Variants in ELF1 observed in about 807,000 individuals in gnomAD.
ELF1 encodes E74 like ETS transcription factor 1.
In ELF1, 24 loss-of-function variants were observed where a neutral mutation model predicts 59.9. The observed-to-expected ratio is 0.40, with a 90% CI of 0.29 to 0.56. ELF1 has a LOEUF of 0.56. ELF1 is among the 20% of genes least tolerant of loss of function. ELF1 has a pLI of 0.44. For synonymous variants in ELF1, 248 were observed against 266.2 expected, an observed-to-expected ratio of 0.93 and a Z score of 0.67; for missense variants, 627 against 742.2, an observed-to-expected ratio of 0.84 and a Z score of 1.80.
At chr13:40,968,545 G>T (rs74045676) in intron 2 of ELF1, among the ~76,000 whole-genome samples, 1 of 152,048 alleles carries the variant, frequency 6.6e-6, no homozygotes, top group East Asian at 1.9e-4. Context: ...AGGAATTGAT[G>T]TATTACACAA....
At position 40,949,896 on chromosome 13, in the gene ELF1, T is replaced by A. The variant is rs2138156403; in HGVS notation, c.439A>T (p.Ile147Phe). 6.2e-7 allele frequency: 1 copy of A among 1,614,142 alleles called. No individual in the cohort carries two copies. Among genetic ancestry groups the A allele is most frequent in the Non-Finnish European group, 8.5e-7 (1 of 1,180,010 alleles). Reference sequence around the variant, plus strand: ...TGCTGTGTTTCCATCACTTCAGGAATCCCATCTAATGTGACGGACACATGG... The same window carrying A: ...TGCTGTGTTTCCATCACTTCAGGAAACCCATCTAATGTGACGGACACATGG... ...VTHVSVTLDG[I>F]PEVMETQQVQ... Residue 147 changes from isoleucine (I) to phenylalanine (F), a missense_variant, in exon 5 of 9, where the codon ATT (isoleucine) becomes TTT (phenylalanine). By Grantham distance (21) the Ile-to-Phe change is conservative (BLOSUM62 0). Coordinates refer to ENST00000239882, the MANE Select transcript of ELF1 (RefSeq NM_172373.4).
chr13:40,994,518 C>A (rs1490510395), intron 1 of ELF1, among the ~76,000 whole-genome samples: 1 of 152,016 alleles, frequency 6.6e-6, no homozygotes, highest in Non-Finnish European at 1.5e-5. Context: ...TGGGGGGGTG[C>A]CTGTAATCCC....
At chr13:41,034,126 A>T (rs918311181) in intron 1 of ELF1, among the ~76,000 whole-genome samples, 1 of 152,180 alleles carries the variant, frequency 6.6e-6, no homozygotes, top group Non-Finnish European at 1.5e-5. Flanking sequence ...CAAGAAAACA[A>T]GAGATATAAT....
chr13:41,061,318 C>T lies in ELF1; in HGVS notation c.-709G>A, dbSNP rs556760427. 16 of 395,960 alleles carry T rather than the reference C, an allele frequency of 4.0e-5. 1 individual carries two copies. The South Asian group carries it at 4.6e-4, about 11-fold the overall frequency. The allele number at this position is 395,960 out of a possible 1,614,324, so 24.5% of individuals were successfully genotyped here. On this transcript the variant is annotated 5_prime_UTR_variant, in exon 1 of 2. Transcript: ENST00000405737. ...TGGGCCCCAGGGGAGGACACAGAGA[C>T]GGCGGGATGGCGCAGGGACTTGAGG...
Position 40,933,967 on chromosome 13 carries a change from T to G in ELF1, c.1318A>C (p.Thr440Pro), listed in dbSNP as rs375140290. 29 of 1,614,138 alleles carry G rather than the reference T, an allele frequency of 1.8e-5. No individual in the cohort carries two copies. Among genetic ancestry groups the G allele is most frequent in the Non-Finnish European group, 2.5e-5 (29 of 1,180,048 alleles). Residue 440 changes from threonine (T) to proline (P), a missense_variant, in exon 9 of 9, where the codon ACA (threonine) becomes CCA (proline). Coordinates refer to ENST00000239882, the MANE Select transcript of ELF1 (RefSeq NM_172373.4). The part of the protein sequence containing the change: ...VVSPRNQQLH[T>P]VTLQTVPLTT... ...AGTGGCACTGTTTGGAGTGTTACTG[T>G]ATGCAACTGCTGATTCCTAGGAGAC...
At chr13:41,045,339 A>T (rs1876798542) in intron 1 of ELF1, among the ~76,000 whole-genome samples, 1 of 151,376 alleles carries the variant, frequency 6.6e-6, no homozygotes, top group Non-Finnish European at 1.5e-5. Context: ...TAGCTTTTGA[A>T]TTTGTTTGCT....
At position 40,982,167 on chromosome 13, in the gene ELF1, G is replaced by A. The variant is rs113531878; in HGVS notation, c.-113C>T. 5.0e-6 allele frequency: 7 copies of A among 1,407,088 alleles called. No individual in the cohort carries two copies. The East Asian group carries it at 1.3e-4, about 27-fold the overall frequency. The allele number at this position is 1,407,088 out of a possible 1,614,324, so 87.2% of individuals were successfully genotyped here. A position where few individuals can be genotyped will look rare whatever the true frequency, so the allele number is the denominator to read the frequency against. On this transcript the variant is annotated 5_prime_UTR_variant, in exon 2 of 9. Coordinates refer to ENST00000239882, the MANE Select transcript of ELF1 (RefSeq NM_172373.4). ...AAAAACCCTCAGCTCTGTCTGTGGA[G>A]TAATTGTATACCCAAGTTTTCTTTA...
rs191295801 is a variant in ELF1, at chr13:40,939,613, C to T, written c.1256+1308G>A. Among the ~76,000 whole-genome samples, 870 of 152,164 alleles carry T rather than the reference C, an allele frequency of 5.7e-3. 7 individuals are homozygous for T. The highest frequency in any genetic ancestry group is 0.014 in the South Asian group (68 of 4,814). On this transcript the variant is annotated intron_variant, in intron 8 of 8. Coordinates refer to ENST00000239882, the MANE Select transcript of ELF1 (RefSeq NM_172373.4). ...AATATAAAACATTAAGGGGAGAATA[C>T]GGACAGTAAGAGTTAAATAAGCACC...
At chr13:40,983,503 C>T (rs1297646516) in intron 1 of ELF1, among the ~76,000 whole-genome samples, 1 of 152,102 alleles carries the variant, frequency 6.6e-6, no homozygotes, top group Admixed American at 6.6e-5. Context: ...CTAGCAAGAA[C>T]TCAAAATAAA....
chr13:40,992,835 G>C, intron 1 of ELF1: 2 of 524,674 alleles, frequency 3.8e-6, no homozygotes, highest in Non-Finnish European at 6.8e-6. Flanking sequence ...AATTTCTGTT[G>C]ATCACCTCTC....
chr13:40,933,505 T>C lies in ELF1; in HGVS notation c.1780A>G (p.Met594Val), dbSNP rs781050561. The change falls in exon 9 of 9, where the codon ATG becomes GTG. Residue 594 changes from methionine to valine, a missense_variant. Physicochemically the swap from Met to Val is conservative, Grantham distance 21. This residue lies in a region of ELF1 where 361 missense variants were observed against 396.1 expected (regional missense o/e 0.91). Transcript: ENST00000239882. The stretch of plus-strand genomic sequence containing the variant: ...AATCCATTGGAACTGGACACTACCA[T>C]CACATAAGGCTGTGGCTGCTGCTCC... ...KTEQQPQPYV[M>V]VVSSSNGFTS... 1.1e-5 allele frequency: 18 copies of C among 1,614,138 alleles called. No individual in the cohort carries two copies. The highest frequency in any genetic ancestry group is 5.3e-5 in the African/African-American group (4 of 74,946).
intron 8 of ELF1, among the ~76,000 whole-genome samples, chr13:40,937,019 T>C (rs1473135189): frequency 6.6e-6 from 1 of 152,202 alleles, no homozygotes; most frequent in Non-Finnish European, 1.5e-5. Flanking sequence ...CACTTATCTA[T>C]ACCATCTACG....
chr13:40,953,424 G>C (rs1486064520), intron 3 of ELF1, among the ~76,000 whole-genome samples: 2 of 152,124 alleles, frequency 1.3e-5, no homozygotes, highest in Non-Finnish European at 2.9e-5. Flanking sequence ...AATCCAATAT[G>C]GTTAGTGTCC....
chr13:41,015,504 A>T (rs1185304316), intron 1 of ELF1, among the ~76,000 whole-genome samples: 2 of 152,204 alleles, frequency 1.3e-5, no homozygotes, highest in Non-Finnish European at 2.9e-5. Context: ...AAAATAGCTA[A>T]TTCCTCTTCA....
At position 40,958,878 on chromosome 13, in the gene ELF1, C is replaced by T; in HGVS notation, c.211G>A (p.Glu71Lys). 2 of 1,613,616 alleles carry T rather than the reference C, an allele frequency of 1.2e-6. No homozygotes were observed. The highest frequency in any genetic ancestry group is 1.7e-4 in the Middle Eastern group (1 of 6,060). Residue 71 changes from glutamate to lysine, a missense_variant, in exon 3 of 9, where the codon GAA becomes AAA. Coordinates refer to ENST00000239882, the MANE Select transcript of ELF1 (RefSeq NM_172373.4). ...ITESSLDVAE[E>K]EIIDDDDDDI... ...TCATCATCATCGTCTATGATTTCTT[C>T]TTCAGCAACATCCAGTGAACTCTCA...
intron 2 of ELF1, among the ~76,000 whole-genome samples, chr13:40,980,825 T>C (rs1200682069): frequency 2.0e-5 from 3 of 152,186 alleles, no homozygotes; most frequent in African/African-American, 7.2e-5. Context: ...TTGTATTGTC[T>C]CTAGATTAAA....
intron 2 of ELF1, among the ~76,000 whole-genome samples, chr13:40,975,241 T>C (rs566425866): frequency 1.3e-5 from 2 of 152,342 alleles, no homozygotes; most frequent in South Asian, 4.1e-4. Context: ...CCTTACTTTA[T>C]GAGGTACACC....
At chr13:40,960,454 G>A (rs1399445801) in intron 2 of ELF1, among the ~76,000 whole-genome samples, 1 of 152,114 alleles carries the variant, frequency 6.6e-6, no homozygotes. Context: ...ACCAATTTGG[G>A]TTTGTATATT....
At chr13:40,951,825 C>T (rs1441024154) in intron 3 of ELF1, 1 of 152,830 alleles carries the variant, frequency 6.5e-6, no homozygotes, top group Non-Finnish European at 1.5e-5. Flanking sequence ...TGAGACTAAA[C>T]CACTGCACTC....
Sources: gnomAD v4.1 joint callset for allele counts (sites outside exome capture counted in the v4.1 genomes callset) on GRCh38, gnomAD v4.1.1 for gene constraint, gnomAD v4.1.1 regional missense constraint, MANE v1.5 for transcripts, NCBI Gene and HGNC (gene_info 2026-07-23, HGNC 2026-07-21) for gene names.